Variants in ARHGAP28 observed in about 807,000 individuals in gnomAD.
ARHGAP28 encodes Rho GTPase activating protein 28, also known as rho GTPase-activating protein 28.
In ARHGAP28, 56 loss-of-function variants were observed where a neutral mutation model predicts 90.7. That is an observed-to-expected ratio of 0.62 (90% CI 0.50 to 0.77). The LOEUF (loss-of-function observed/expected upper bound fraction) is 0.77. Among genes scored for constraint, ARHGAP28 ranks in the 30% least tolerant of loss-of-function variants. The pLI is 0.00. For synonymous variants in ARHGAP28, 308 were observed against 323.3 expected, an observed-to-expected ratio of 0.95 and a Z score of 0.51; for missense variants, 869 against 900.9, an observed-to-expected ratio of 0.96 and a Z score of 0.45.
At chr18:6,804,812 G>T (rs1355578986) in intron 1 of ARHGAP28, among the ~76,000 whole-genome samples, 3 of 152,044 alleles carry the variant, frequency 2.0e-5, no homozygotes, top group African/African-American at 7.2e-5. Flanking sequence ...GACACTTTTT[G>T]TGTAGACTAA....
chr18:6,749,053 A>G (rs1357048040), intron 1 of ARHGAP28, among the ~76,000 whole-genome samples: 1 of 152,206 alleles, frequency 6.6e-6, no homozygotes, highest in Non-Finnish European at 1.5e-5. Context: ...CTTCTAGCAC[A>G]TCTCTGACCA....
At chr18:6,858,419 A>G (rs977621133) in intron 4 of ARHGAP28, among the ~76,000 whole-genome samples, 1 of 152,148 alleles carries the variant, frequency 6.6e-6, no homozygotes, top group East Asian at 1.9e-4. Flanking sequence ...CTGCTATGGA[A>G]TTCTTCGTTG....
chr18:6,821,883 C>T (rs894569011), intron 1 of ARHGAP28, among the ~76,000 whole-genome samples: 6 of 152,098 alleles, frequency 3.9e-5, no homozygotes, highest in African/African-American at 1.4e-4. Flanking sequence ...ATCATTAGCC[C>T]TAAATGTATC....
At chr18:6,839,254 A>G (rs1444183025) in intron 3 of ARHGAP28, among the ~76,000 whole-genome samples, 1 of 151,910 alleles carries the variant, frequency 6.6e-6, no homozygotes, top group African/African-American at 2.4e-5. Flanking sequence ...GCAGTACTCA[A>G]ATGCTTTGTT....
At chr18:6,831,539 G>T (rs1244790992) in intron 2 of ARHGAP28, among the ~76,000 whole-genome samples, 1 of 133,294 alleles carries the variant, frequency 7.5e-6, no homozygotes, top group Non-Finnish European at 1.5e-5. Flanking sequence ...TGCACATTGT[G>T]CAGGTTAGTT....
chr18:6,753,944 T>C (rs2056089500), intron 1 of ARHGAP28, among the ~76,000 whole-genome samples: 1 of 152,254 alleles, frequency 6.6e-6, no homozygotes, highest in South Asian at 2.1e-4. Flanking sequence ...AATTCTGGTC[T>C]GCACTAGCAC....
intron 1 of ARHGAP28, among the ~76,000 whole-genome samples, chr18:6,819,015 G>A (rs549202478): frequency 1.3e-5 from 2 of 152,290 alleles, no homozygotes; most frequent in East Asian, 1.9e-4. Flanking sequence ...TGGCTACTTC[G>A]TGGGGTGCAT....
At position 6,870,689 on chromosome 18, in the gene ARHGAP28, A is replaced by T; in HGVS notation, c.911A>T (p.Lys304Ile). 6.2e-7 allele frequency: 1 copy of T among 1,611,626 alleles called. No individual in the cohort carries two copies. The highest frequency in any genetic ancestry group is 1.1e-5 in the South Asian group (1 of 90,666). ...EMVTEALKRN[K>I]LKKSEIKKED... ...GTTACGGAGGCTCTAAAAAGAAATA[A>T]ACTTAAGAAATCAGAGATTAAGAAA... Residue 304 changes from lysine to isoleucine, a missense_variant, in exon 7 of 18, where the codon AAA becomes ATA. Coordinates refer to ENST00000383472, the MANE Select transcript of ARHGAP28 (RefSeq NM_001366230.1).
chr18:6,841,182 T>TCTCTCTCTCTCTCTCTCTCTCTCTC (rs2056815466), intron 3 of ARHGAP28, among the ~76,000 whole-genome samples: 2 of 44,232 alleles, frequency 4.5e-5, no homozygotes. Flanking sequence ...CTCTCTCTCC[T>TCTCTCTCTCTCTCTCTCTCTCTCTC]CTCTCTCTCT....
chr18:6,769,466 C>T (rs1471613073), intron 1 of ARHGAP28, among the ~76,000 whole-genome samples: 2 of 152,180 alleles, frequency 1.3e-5, no homozygotes, highest in African/African-American at 4.8e-5. Flanking sequence ...TGCATCAATG[C>T]TATTCATTTA....
At chr18:6,772,838 C>A (rs1480348464) in intron 1 of ARHGAP28, among the ~76,000 whole-genome samples, 1 of 151,790 alleles carries the variant, frequency 6.6e-6, no homozygotes, top group Admixed American at 6.6e-5. Flanking sequence ...CCTCCCGGGT[C>A]CAAGCAATTC....
chr18:6,904,048 C>A (rs1373282815), intron 16 of ARHGAP28, among the ~76,000 whole-genome samples: 1 of 151,996 alleles, frequency 6.6e-6, no homozygotes, highest in Non-Finnish European at 1.5e-5. Context: ...AATAGGAAGT[C>A]TTAAGCAAAA....
chr18:6,756,764 A>G (rs933232821), intron 1 of ARHGAP28, among the ~76,000 whole-genome samples: 1 of 152,210 alleles, frequency 6.6e-6, no homozygotes, highest in Non-Finnish European at 1.5e-5. Context: ...CCAAAGTCTG[A>G]GAGCCACTGG....
At chr18:6,824,296 T>C (rs936150988) in intron 1 of ARHGAP28, among the ~76,000 whole-genome samples, 3 of 152,076 alleles carry the variant, frequency 2.0e-5, no homozygotes, top group African/African-American at 7.2e-5. Context: ...CCCAGCACTT[T>C]GGGAGGCTGA....
intron 3 of ARHGAP28, among the ~76,000 whole-genome samples, chr18:6,848,171 A>G (rs2056881407): frequency 6.6e-6 from 1 of 152,100 alleles, no homozygotes; most frequent in Admixed American, 6.5e-5. Context: ...AATAGTGGGA[A>G]CCTCCTGAAA....
intron 14 of ARHGAP28, among the ~76,000 whole-genome samples, chr18:6,890,920 T>A (rs1345974746): frequency 6.6e-6 from 1 of 152,238 alleles, no homozygotes; most frequent in South Asian, 2.1e-4. Flanking sequence ...CTTCATTGAT[T>A]GGTTAGTAAA....
At chr18:6,790,996 G>C (rs1023698505) in intron 1 of ARHGAP28, 1 of 152,100 alleles carries the variant, frequency 6.6e-6, no homozygotes, top group Non-Finnish European at 1.5e-5. Flanking sequence ...CAAAATTTTA[G>C]AAATTAATAT....
chr18:6,853,098 C>G (rs1330101940), intron 4 of ARHGAP28, among the ~76,000 whole-genome samples: 2 of 152,108 alleles, frequency 1.3e-5, no homozygotes, highest in African/African-American at 4.8e-5. Context: ...AGGTTCCACC[C>G]ATGGTTGCAT....
At chr18:6,850,753 T>C (rs2056903375) in intron 3 of ARHGAP28, 1 of 1,455,090 alleles carries the variant, frequency 6.9e-7, no homozygotes, top group African/African-American at 1.4e-5. Context: ...AAAATCATGA[T>C]ATTCATAAGT....
Sources: allele counts gnomAD v4.1 joint callset (sites outside exome capture counted in the v4.1 genomes callset), GRCh38; gene constraint gnomAD v4.1.1; transcripts MANE v1.5; gene names NCBI Gene and HGNC (gene_info 2026-07-23, HGNC 2026-07-21).